Variants in COMMD1 observed in about 807,000 individuals in gnomAD.
The protein encoded by COMMD1 is copper metabolism domain containing 1.
A neutral mutation model predicts 17.2 loss-of-function variants in COMMD1; 10 were observed. The observed-to-expected ratio is 0.58, with a 90% CI of 0.36 to 0.99. COMMD1 has a LOEUF of 0.99. Among genes scored for constraint, COMMD1 ranks in the 50% least tolerant of loss-of-function variants. The pLI is 0.01. For missense variants in COMMD1, 270 were observed against 231.8 expected (o/e 1.17, Z -1.07); for synonymous variants, 97 against 91.6 (o/e 1.06, Z -0.34).
At chr2:61,930,087 GC>G (rs1206217647) in intron 1 of COMMD1, among the ~76,000 whole-genome samples, 2 of 152,144 alleles carry the variant, frequency 1.3e-5, no homozygotes, top group Admixed American at 1.3e-4. Flanking sequence ...CCAGGTGACT[GC>G]TATTGAGGTT....
At chr2:62,009,199 C>T (rs544240321) in intron 2 of COMMD1, among the ~76,000 whole-genome samples, 4 of 152,228 alleles carry the variant, frequency 2.6e-5, no homozygotes, top group African/African-American at 7.2e-5. Context: ...CTTTTTGTAG[C>T]TCTAAGAAGT....
In COMMD1 at chr2:62,042,506, G is replaced by A. The variant is rs561500163; in HGVS notation, c.462+41524G>A. Among the ~76,000 whole-genome samples, 585 of 152,304 alleles carry A rather than the reference G, an allele frequency of 3.8e-3. 4 individuals are homozygous for A. Among genetic ancestry groups the A allele is most frequent in the Middle Eastern group, 0.014 (4 of 294 alleles). On this transcript the variant is annotated intron_variant, in intron 2 of 2. Transcript: ENST00000311832. ...GCTTGTGCCCCGATCAAGCCCAGCAGGTGCTGGCGGGCCGTGCCGAGTGCA... is the reference window on the plus strand; with the variant it reads ...GCTTGTGCCCCGATCAAGCCCAGCAAGTGCTGGCGGGCCGTGCCGAGTGCA...
chr2:62,076,427 T>C (rs1671338191), intron 2 of COMMD1, among the ~76,000 whole-genome samples: 1 of 151,996 alleles, frequency 6.6e-6, no homozygotes, highest in African/African-American at 2.4e-5. Flanking sequence ...ACAACAGAGA[T>C]GGGAAAGAGG....
In COMMD1 at chr2:61,937,076, G is replaced by A. The variant is rs998496024; in HGVS notation, c.180+31218G>A. ...ATTGGTTGAAAGATTTATTGTTAAA[G>A]AAAGGAATGTCTGGGTTAAGATAAG... On this transcript the variant is annotated intron_variant, in intron 1 of 2. Coordinates refer to ENST00000311832, the MANE Select transcript of COMMD1 (RefSeq NM_152516.4). Among the ~76,000 whole-genome samples, 5 of 152,282 alleles carry A rather than the reference G, an allele frequency of 3.3e-5. No homozygotes were observed. The East Asian group carries it at 7.7e-4, about 23-fold the overall frequency.
chr2:62,066,586 A>G (rs1411309252), intron 2 of COMMD1, among the ~76,000 whole-genome samples: 2 of 151,498 alleles, frequency 1.3e-5, no homozygotes, highest in African/African-American at 4.9e-5. Flanking sequence ...TATTTTTAGT[A>G]GAGACAGGGT....
chr2:62,004,361 C>G (rs1481442211), intron 2 of COMMD1, among the ~76,000 whole-genome samples: 2 of 152,130 alleles, frequency 1.3e-5, no homozygotes, highest in Admixed American at 6.5e-5. Flanking sequence ...AGTGCAGTGG[C>G]ACAATCTCGG....
At chr2:61,922,612 G>A (rs1367589235) in intron 1 of COMMD1, among the ~76,000 whole-genome samples, 1 of 152,072 alleles carries the variant, frequency 6.6e-6, no homozygotes, top group Admixed American at 6.6e-5. Context: ...CACCATGCCC[G>A]GCCTAGGATT....
At chr2:62,081,061 C>A (rs1671502746) in intron 2 of COMMD1, among the ~76,000 whole-genome samples, 1 of 151,722 alleles carries the variant, frequency 6.6e-6, no homozygotes, top group South Asian at 2.1e-4. Flanking sequence ...GATACTGGTG[C>A]TTTTGTTTTT....
At chr2:61,926,918 C>T (rs986849357) in intron 1 of COMMD1, among the ~76,000 whole-genome samples, 2 of 152,114 alleles carry the variant, frequency 1.3e-5, no homozygotes, top group African/African-American at 4.8e-5. Context: ...TCAACCTTGG[C>T]TAAATAAACC....
intron 1 of COMMD1, among the ~76,000 whole-genome samples, chr2:61,951,088 A>G (rs1671040196): frequency 6.6e-6 from 1 of 152,170 alleles, no homozygotes; most frequent in African/African-American, 2.4e-5. Flanking sequence ...TGGCAGCTGA[A>G]TTCCAGGAAA....
chr2:61,928,404 G>A (rs1245370690), intron 1 of COMMD1, among the ~76,000 whole-genome samples: 2 of 151,944 alleles, frequency 1.3e-5, no homozygotes, highest in African/African-American at 2.4e-5. Context: ...CAAGTGATCC[G>A]CCCACCTTAG....
intron 1 of COMMD1, among the ~76,000 whole-genome samples, chr2:61,983,344 C>T (rs1398611160): frequency 6.6e-6 from 1 of 151,538 alleles, no homozygotes; most frequent in African/African-American, 2.4e-5. Context: ...CACGTGCCAC[C>T]ACGCCTGGCT....
At chr2:61,935,939 C>T (rs1215924245) in intron 1 of COMMD1, among the ~76,000 whole-genome samples, 1 of 151,920 alleles carries the variant, frequency 6.6e-6, no homozygotes, top group Non-Finnish European at 1.5e-5. Flanking sequence ...GCCTCAGCCT[C>T]CTAAGTAGCT....
rs556563815 is a variant in COMMD1 at position 61,989,145 on chromosome 2, G to A, written c.181-11556G>A. On this transcript the variant is annotated intron_variant, in intron 1 of 2. Coordinates refer to ENST00000311832, the MANE Select transcript of COMMD1 (RefSeq NM_152516.4). ...GGTTCTTGTGAAAGTGCTTTTTTAT[G>A]TAGGTGTCATATTTGGTGTTCTGAC... Among the ~76,000 whole-genome samples the A allele has an allele frequency of 1.9e-3, 292 of 152,270 alleles. 1 individual carries two copies. Among genetic ancestry groups the A allele is most frequent in the African/African-American group, 6.5e-3 (272 of 41,544 alleles).
At chr2:62,016,525 TC>T (rs1171688246) in intron 2 of COMMD1, among the ~76,000 whole-genome samples, 6 of 151,116 alleles carry the variant, frequency 4.0e-5, no homozygotes, top group Admixed American at 1.3e-4. Context: ...TTTTTTTTTT[TC>T]CTACACCAAA....
chr2:62,033,920 G>A (rs986946756), intron 2 of COMMD1, among the ~76,000 whole-genome samples: 1 of 151,866 alleles, frequency 6.6e-6, no homozygotes, highest in Non-Finnish European at 1.5e-5. Context: ...TACCAGCCTG[G>A]CCAACATAGG....
chr2:61,975,484 C>A (rs975244493), intron 1 of COMMD1, among the ~76,000 whole-genome samples: 2 of 152,144 alleles, frequency 1.3e-5, no homozygotes, highest in African/African-American at 4.8e-5. Flanking sequence ...TCCACTCCCA[C>A]CAGCAGTGGA....
intron 2 of COMMD1, among the ~76,000 whole-genome samples, chr2:62,109,012 C>T (rs1399380805): frequency 6.6e-6 from 1 of 152,116 alleles, no homozygotes; most frequent in Admixed American, 6.6e-5. Flanking sequence ...CCATATTGCC[C>T]CAGCAAGCTG....
At chr2:62,026,258 A>G (rs1211716402) in intron 2 of COMMD1, among the ~76,000 whole-genome samples, 1 of 152,178 alleles carries the variant, frequency 6.6e-6, no homozygotes, top group Non-Finnish European at 1.5e-5. Flanking sequence ...TGCAGGCTGT[A>G]CAGGAAGCAT....
Sources: gnomAD v4.1 joint callset for allele counts (sites outside exome capture counted in the v4.1 genomes callset) on GRCh38, gnomAD v4.1.1 for gene constraint, MANE v1.5 for transcripts, NCBI Gene and HGNC (gene_info 2026-07-23, HGNC 2026-07-21) for gene names.